STRA6: variants seen among roughly 807,000 people sequenced by gnomAD.
STRA6 encodes the protein signaling receptor and transporter of retinol STRA6, also known as receptor for retinol uptake STRA6.
A neutral mutation model predicts 83.6 loss-of-function variants in STRA6; 48 were observed. That is an observed-to-expected ratio of 0.57 (90% confidence interval 0.46 to 0.73). The LOEUF (loss-of-function observed/expected upper bound fraction) is 0.73, where lower values mean the gene tolerates loss of function less well. Ranked by LOEUF, STRA6 falls within the 30% of genes least tolerant of loss-of-function variation. The pLI is 0.00. For synonymous variants in STRA6, 353 were observed against 362.3 expected (o/e 0.97, Z 0.29); for missense variants, 760 against 838.8 (o/e 0.91, Z 1.16).
At chr15:74,204,322 T>G (rs571786413), upstream of STRA6, among the ~76,000 whole-genome samples, 4 of 152,204 alleles carry the variant, frequency 2.6e-5, no homozygotes, top group Admixed American at 2.0e-4. Context: ...GGCCCTTGGG[T>G]AAGAGGGACT....
chr15:74,207,174 G>A (rs1255554486), upstream of STRA6, among the ~76,000 whole-genome samples: 1 of 152,196 alleles, frequency 6.6e-6, no homozygotes, highest in African/African-American at 2.4e-5. Context: ...GCGGGAGCCT[G>A]TGATTATCAA....
At chr15:74,181,077 T>C (rs541537052) in intron 17 of STRA6, 140 bp from the exon 18 acceptor site, 20 of 1,394,328 alleles carry the variant, frequency 1.4e-5, no homozygotes, top group East Asian at 7.0e-5. Context: ...ACGTGGCACA[T>C]TGGCTGCATG....
chr15:74,195,182 A>G, intron 7 of STRA6, 120 bp downstream of exon 7: 1 of 1,535,456 alleles, frequency 6.5e-7, no homozygotes, highest in Non-Finnish European at 8.7e-7. Flanking sequence ...ATGGAATCCC[A>G]TGCACAATGG....
At chr15:74,206,904 C>CA (rs891316667), upstream of STRA6, among the ~76,000 whole-genome samples, 1 of 152,234 alleles carries the variant, frequency 6.6e-6, no homozygotes, top group African/African-American at 2.4e-5. Flanking sequence ...CAGCTCAAAC[C>CA]AGCAGGTCTC....
upstream of STRA6, among the ~76,000 whole-genome samples, chr15:74,204,269 C>T (rs2074204095): frequency 6.6e-6 from 1 of 152,236 alleles, no homozygotes. Flanking sequence ...GGGACTCTAT[C>T]CCTCCCACCC....
intron 18 of STRA6, 73 bp from the exon 19 acceptor site, chr15:74,180,316 C>T (rs2072913411): frequency 1.2e-5 from 19 of 1,591,740 alleles, no homozygotes; most frequent in African/African-American, 1.3e-5. Flanking sequence ...CAGACCTGAT[C>T]AGAGAGCCTG....
At chr15:74,184,204 C>T (rs2073131482) in intron 13 of STRA6, among the ~76,000 whole-genome samples, 1 of 152,176 alleles carries the variant, frequency 6.6e-6, no homozygotes, top group African/African-American at 2.4e-5. Context: ...ACGAGGAATA[C>T]AAAACGAGGC....
At chr15:74,182,647 G>A (rs148303257) in intron 14 of STRA6, 187 bp from the exon 15 acceptor site, 36 of 597,940 alleles carry the variant, frequency 6.0e-5, no homozygotes, top group African/African-American at 5.4e-4. Flanking sequence ...TTCTTCCTCT[G>A]TAAAATGGGG....
intron 16 of STRA6, among the ~76,000 whole-genome samples, chr15:74,181,862 T>C (rs1006719205): frequency 3.9e-5 from 6 of 151,908 alleles, no homozygotes; most frequent in Non-Finnish European, 5.9e-5. Flanking sequence ...TGCTACAAAG[T>C]GGGGAGGGGC....
In STRA6 at chr15:74,180,111, G is replaced by A; in HGVS notation, c.1973C>T (p.Ala658Val). Residue 658 changes from alanine to valine, a missense_variant, in exon 19 of 19, where the codon GCC becomes GTC. Physicochemically the swap from Ala to Val is moderately conservative, Grantham distance 64. Transcript: ENST00000395105. ...CTGGGCACCATTGGCACCCAACAGG[G>A]CCGTCTTGCGGAAGACCTGCAGGGT... ...NPTLQVFRKTALLGANGAQP is the reference protein window; with the variant it reads ...NPTLQVFRKTVLLGANGAQP 1 of 1,613,662 alleles carries A rather than the reference G, an allele frequency of 6.2e-7. No homozygotes were observed. The highest frequency in any genetic ancestry group is 8.5e-7 in the Non-Finnish European group (1 of 1,179,676).
chr15:74,188,401 C>T lies in STRA6; in HGVS notation c.1090+714G>A, dbSNP rs147639614. On this transcript the variant is annotated intron_variant, in intron 12 of 18. Coordinates refer to ENST00000395105, the MANE Select transcript of STRA6 (RefSeq NM_022369.4). The surrounding 1 kb of genome is among the most constrained non-coding windows in gnomAD (Gnocchi z 4.5). ...TGCCTCCTGAGTCCTCAGCACCGGG[C>T]TTTGTCCCAAGGTGATGGAGAAGGC... Among the ~76,000 whole-genome samples, 266 of 152,380 alleles carry T rather than the reference C, an allele frequency of 1.7e-3. 5 individuals are homozygous for T. Among genetic ancestry groups the T allele is most frequent in the Non-Finnish European group, 1.8e-3 (124 of 68,040 alleles).
chr15:74,199,432 AC>A (rs1276972013), intron 2 of STRA6, among the ~76,000 whole-genome samples: 1 of 122,756 alleles, frequency 8.1e-6, no homozygotes, highest in Non-Finnish European at 2.0e-5. Context: ...TCAGCTCCCC[AC>A]CTCCAGCTCC....
chr15:74,211,623 C>T (rs1013663842), upstream of STRA6, among the ~76,000 whole-genome samples: 12 of 152,052 alleles, frequency 7.9e-5, no homozygotes, highest in African/African-American at 2.4e-4. Context: ...AGGCTGGTCT[C>T]GAACTCCTAA....
Position 74,180,813 on chromosome 15 carries a change from C to T in STRA6, c.1809G>A (p.Gln603=). ...CTTCCTCCCCTGGTCTGAGGCTGTC[C>T]TGGGGGGCTGCCATGGTCCTGGGTA... ...SLLPRTMAAP[Q]DSLRPGEEDE... is the part of the protein sequence containing the mutation. The change falls in exon 18 of 19, where the codon CAG becomes CAA. Residue 603 remains glutamine, a synonymous_variant. Transcript: ENST00000395105. The T allele has an allele frequency of 1.9e-6, 3 of 1,613,384 alleles. No homozygotes were observed. Among genetic ancestry groups the T allele is most frequent in the Non-Finnish European group, 2.5e-6 (3 of 1,179,460 alleles).
At chr15:74,190,738 G>T (rs1030602285) in intron 11 of STRA6, 102 bp downstream of exon 11, 2 of 1,568,680 alleles carry the variant, frequency 1.3e-6, no homozygotes, top group Non-Finnish European at 1.8e-6. Context: ...CAGGGTTCTG[G>T]ATGGAGCACC....
At chr15:74,186,366 T>C (rs1049839028) in intron 12 of STRA6, among the ~76,000 whole-genome samples, 14 of 152,232 alleles carry the variant, frequency 9.2e-5, no homozygotes, top group African/African-American at 3.1e-4. Flanking sequence ...CCCAACACTT[T>C]GGAAGGCTGA....
intron 9 of STRA6, 21 bp downstream of exon 9, chr15:74,191,403 A>G: frequency 6.2e-7 from 1 of 1,613,302 alleles, no homozygotes; most frequent in Non-Finnish European, 8.5e-7. Context: ...TGGCCCACAA[A>G]GGGTGTGTCA....
chr15:74,188,977 G>C lies in STRA6; in HGVS notation c.1090+138C>G. The C allele has an allele frequency of 2.9e-6, 3 of 1,046,702 alleles. No individual in the cohort carries two copies. The highest frequency in any genetic ancestry group is 4.2e-6 in the Non-Finnish European group (3 of 717,204). The allele number at this position is 1,046,702 out of a possible 1,614,324, so 64.8% of individuals were successfully genotyped here. A position where few individuals can be genotyped will look rare whatever the true frequency, so the allele number is the denominator to read the frequency against. The stretch of plus-strand genomic sequence containing the variant: ...GCGCCAACTGCCACAATTTGGAGAT[G>C]AGGCAATCGAGACCCAGAGAGAGGA... On this transcript the variant is annotated intron_variant, in intron 12 of 18. Transcript: ENST00000395105. The surrounding 1 kb of genome is among the most constrained non-coding windows in gnomAD (Gnocchi z 4.5).
intron 1 of STRA6, 125 bp downstream of exon 1, chr15:74,202,588 C>T: frequency 6.8e-7 from 1 of 1,463,242 alleles, no homozygotes; most frequent in Non-Finnish European, 9.0e-7. Flanking sequence ...TCTGTCTGAC[C>T]AACCACCAGC....
Sources: allele counts gnomAD v4.1 joint callset (sites outside exome capture counted in the v4.1 genomes callset), GRCh38; gene constraint gnomAD v4.1.1; non-coding constraint Gnocchi (gnomAD v3.1); transcripts MANE v1.5; gene names NCBI Gene and HGNC (gene_info 2026-07-23, HGNC 2026-07-21).